GABRG3: variants seen among roughly 807,000 people sequenced by gnomAD.
GABRG3 encodes gamma-aminobutyric acid receptor subunit gamma-3.
GABRG3 carries 25 observed loss-of-function variants against 48.8 expected under a neutral mutation model. The observed-to-expected ratio is 0.51, with a 90% CI of 0.37 to 0.72. The LOEUF is 0.72. GABRG3 is among the 30% of genes least tolerant of loss of function. The probability of loss-of-function intolerance (pLI) is 0.00; values close to 1 mark genes in which losing one functional copy is unlikely to be tolerated. For synonymous variants in GABRG3, 227 were observed against 217.6 expected (o/e 1.04, Z -0.38); for missense variants, 394 against 577.9 (o/e 0.68, Z 3.26).
At chr15:27,048,586 C>T (rs1896404046) in intron 3 of GABRG3, among the ~76,000 whole-genome samples, 1 of 152,164 alleles carries the variant, frequency 6.6e-6, no homozygotes, top group African/African-American at 2.4e-5. Context: ...AGGCAGGTTT[C>T]GGTCCCCTGA....
intron 5 of GABRG3, among the ~76,000 whole-genome samples, chr15:27,403,494 A>T (rs1443840028): frequency 6.6e-6 from 1 of 152,214 alleles, no homozygotes. Context: ...GACCCAACAG[A>T]AAATTATTGA....
At chr15:27,424,393 C>G (rs1035094086) in intron 5 of GABRG3, among the ~76,000 whole-genome samples, 4 of 152,086 alleles carry the variant, frequency 2.6e-5, no homozygotes, top group African/African-American at 9.7e-5. Context: ...GAGGGCTGCC[C>G]TCTCCACTTC....
chr15:27,092,842 A>G (rs1897212163), intron 3 of GABRG3, among the ~76,000 whole-genome samples: 1 of 152,044 alleles, frequency 6.6e-6, no homozygotes, highest in African/African-American at 2.4e-5. Flanking sequence ...CCCTCCCAGA[A>G]GAGTGTCCCC....
intron 3 of GABRG3, among the ~76,000 whole-genome samples, chr15:27,060,521 A>C (rs1315586596): frequency 1.3e-5 from 2 of 152,248 alleles, no homozygotes; most frequent in East Asian, 3.8e-4. Flanking sequence ...TGAGACTTCG[A>C]GAATGTCAAC....
intron 3 of GABRG3, among the ~76,000 whole-genome samples, chr15:27,194,791 C>G (rs987838948): frequency 1.3e-5 from 2 of 152,072 alleles, no homozygotes; most frequent in Non-Finnish European, 2.9e-5. Context: ...TTATATCTTT[C>G]TCCAAGTTTC....
intron 3 of GABRG3, among the ~76,000 whole-genome samples, chr15:27,201,127 C>T (rs565723839): frequency 6.6e-6 from 1 of 152,140 alleles, no homozygotes; most frequent in South Asian, 2.1e-4. Context: ...TTTGATTTCT[C>T]AAGAAGACTT....
At chr15:27,317,206 G>A (rs1893261815) in intron 3 of GABRG3, among the ~76,000 whole-genome samples, 1 of 152,130 alleles carries the variant, frequency 6.6e-6, no homozygotes, top group Non-Finnish European at 1.5e-5. Context: ...AGCCTGGCAT[G>A]GCAACTCTGA....
rs77927284 is a variant in GABRG3 at position 27,525,689 on chromosome 15, T to A, written c.866-1744T>A. ...AAGATTTTGAACTTCTTCTTAGACA[T>A]GATGTGGTCACATTTTTAAAAGCTG... On this transcript the variant is annotated intron_variant, in intron 7 of 9. Coordinates refer to ENST00000615808, the MANE Select transcript of GABRG3 (RefSeq NM_033223.5). Among the ~76,000 whole-genome samples, 21 of 152,304 alleles carry A rather than the reference T, an allele frequency of 1.4e-4. No homozygotes were observed. The East Asian group carries it at 4.1e-3, about 29-fold the overall frequency.
chr15:27,538,353 G>A lies in GABRG3; in HGVS notation c.*5472G>A, dbSNP rs193185150. 2.6e-5 allele frequency: 4 copies of A among 152,322 alleles called. No individual in the cohort carries two copies. The highest frequency in any genetic ancestry group is 4.4e-5 in the Non-Finnish European group (3 of 68,038). 9.4% of individuals were successfully genotyped at this position (152,322 alleles called of 1,614,324 possible). ...TAACCAAGTGGGCTTTTCAGATTAGGTTATTCAAGAGCATGAGCTAGAAAA... is the reference window on the plus strand; with the variant it reads ...TAACCAAGTGGGCTTTTCAGATTAGATTATTCAAGAGCATGAGCTAGAAAA... On this transcript the variant is annotated 3_prime_UTR_variant, in exon 10 of 10. Coordinates refer to ENST00000615808, the MANE Select transcript of GABRG3 (RefSeq NM_033223.5).
intron 3 of GABRG3, among the ~76,000 whole-genome samples, chr15:27,119,467 G>A (rs1451505383): frequency 6.6e-6 from 1 of 152,178 alleles, no homozygotes; most frequent in Admixed American, 6.5e-5. Flanking sequence ...AGTTTGGTTT[G>A]CATGATGATA....
At position 27,541,601 on chromosome 15, in the gene GABRG3, G is replaced by T. The variant is rs1891662044; in HGVS notation, c.*8720G>T. 1 of 152,314 alleles carries T rather than the reference G, an allele frequency of 6.6e-6. No homozygotes were observed. The highest frequency in any genetic ancestry group is 2.4e-5 in the African/African-American group (1 of 41,462). The allele number at this position is 152,314 out of a possible 1,614,324, so 9.4% of individuals were successfully genotyped here. A position where few individuals can be genotyped will look rare whatever the true frequency, so the allele number is the denominator to read the frequency against. On this transcript the variant is annotated 3_prime_UTR_variant, in exon 10 of 10. Transcript: ENST00000615808. ...TGTGGATGCGCTTGGCCCCGAGGGGGCCGCGCCCTGCCCCAGTGCGTGCGC... is the reference window on the plus strand; with the variant it reads ...TGTGGATGCGCTTGGCCCCGAGGGGTCCGCGCCCTGCCCCAGTGCGTGCGC...
intron 3 of GABRG3, among the ~76,000 whole-genome samples, chr15:27,204,228 G>T (rs546440558): frequency 6.6e-6 from 1 of 152,172 alleles, no homozygotes; most frequent in Admixed American, 6.5e-5. Context: ...TTTTGTATGT[G>T]GTGAAACAAA....
intron 6 of GABRG3, among the ~76,000 whole-genome samples, chr15:27,499,966 C>T (rs372132808): frequency 7.7e-4 from 117 of 152,290 alleles, no homozygotes; most frequent in African/African-American, 2.4e-3. Context: ...AGCCAAGTCC[C>T]CTGGCAGAGG....
intron 3 of GABRG3, among the ~76,000 whole-genome samples, chr15:27,144,633 T>C (rs147957200): frequency 2.6e-5 from 4 of 152,300 alleles, no homozygotes; most frequent in African/African-American, 9.6e-5. Flanking sequence ...ATGGAACATA[T>C]TCCTGGAAAT....
chr15:27,153,035 T>C (rs908395213), intron 3 of GABRG3, among the ~76,000 whole-genome samples: 1 of 152,120 alleles, frequency 6.6e-6, no homozygotes, highest in African/African-American at 2.4e-5. Flanking sequence ...TAATTTTTTG[T>C]ATTTTTAGTA....
intron 3 of GABRG3, among the ~76,000 whole-genome samples, chr15:27,248,801 CACAGAGAGAGAG>C (rs1464611369): frequency 8.3e-6 from 1 of 120,530 alleles, no homozygotes; most frequent in Non-Finnish European, 1.7e-5. Context: ...CACACACACA[CACAGAGAGAGAG>C]AGAGAGAGAG....
intron 3 of GABRG3, chr15:27,271,593 GAGTCAGTC>G (rs61549890): frequency 1.1e-5 from 5 of 454,958 alleles, no homozygotes; most frequent in Non-Finnish European, 2.2e-5. Context: ...ATGCAACCTA[GAGTCAGTC>G]AGTCAGTCAC....
At chr15:27,271,485 A>G (rs1022890168) in intron 3 of GABRG3, 1 of 451,896 alleles carries the variant, frequency 2.2e-6, no homozygotes, top group Non-Finnish European at 4.4e-6. Context: ...CCATGCCCTC[A>G]GAGCAACAGG....
At chr15:27,431,604 G>A (rs952753505) in intron 5 of GABRG3, among the ~76,000 whole-genome samples, 2 of 152,140 alleles carry the variant, frequency 1.3e-5, no homozygotes, top group Non-Finnish European at 2.9e-5. Context: ...TGTTGGAAGG[G>A]GGAAGGATTC....
Sources: gnomAD v4.1 joint callset for allele counts (sites outside exome capture counted in the v4.1 genomes callset) on GRCh38, gnomAD v4.1.1 for gene constraint, MANE v1.5 for transcripts, NCBI Gene and HGNC (gene_info 2026-07-23, HGNC 2026-07-21) for gene names.